ARSJ: variants seen among roughly 807,000 people sequenced by gnomAD.
The protein encoded by ARSJ is arylsulfatase J.
ARSJ carries 26 observed loss-of-function variants against 35.9 expected under a neutral mutation model. The ratio of observed to expected loss-of-function variants is 0.72; its 90% CI spans 0.53 to 1.00. The LOEUF (loss-of-function observed/expected upper bound fraction) is 1.00, where lower values mean the gene tolerates loss of function less well. Among genes scored for constraint, ARSJ ranks in the 50% least tolerant of loss-of-function variants. The pLI, the probability that ARSJ is intolerant of heterozygous loss-of-function variation, is 0.00. For synonymous variants in ARSJ, 294 were observed against 267.6 expected, an observed-to-expected ratio of 1.10 and a Z score of -0.96; for missense variants, 667 against 723.6, an observed-to-expected ratio of 0.92 and a Z score of 0.90.
chr4:113,914,757 T>A (rs1466453164), intron 1 of ARSJ, among the ~76,000 whole-genome samples: 2 of 152,218 alleles, frequency 1.3e-5, no homozygotes, highest in Non-Finnish European at 2.9e-5. Flanking sequence ...CCAGGTACTG[T>A]ACTGCGGAGA....
rs560150835 is a variant in ARSJ at position 113,925,969 on chromosome 4, G to A, written c.399-22294C>T. 2.1e-3 allele frequency among the ~76,000 whole-genome samples: 318 copies of A among 152,226 alleles called. 3 individuals carry two copies. The highest frequency in any genetic ancestry group is 5.2e-3 in the African/African-American group (217 of 41,546). On this transcript the variant is annotated intron_variant, in intron 1 of 1. Coordinates refer to ENST00000315366, the MANE Select transcript of ARSJ (RefSeq NM_024590.4). ...TGAGTGGAAGTCCATGTTGTGGAGC[G>A]CATGCATAACCTCCATCCCTGCCAC...
At chr4:113,961,183 G>C (rs1726517499) in intron 1 of ARSJ, among the ~76,000 whole-genome samples, 1 of 152,024 alleles carries the variant, frequency 6.6e-6, no homozygotes, top group Non-Finnish European at 1.5e-5. Context: ...CAGCACGTTG[G>C]AAGTGAAGTA....
chr4:113,946,498 G>C (rs981461129), intron 1 of ARSJ: 1 of 150,310 alleles, frequency 6.7e-6, no homozygotes, highest in African/African-American at 2.4e-5. Context: ...GACTTTGCAC[G>C]TTGTCTCCAA....
At chr4:113,903,959 G>A (rs754582341) in intron 1 of ARSJ, among the ~76,000 whole-genome samples, 6 of 152,090 alleles carry the variant, frequency 3.9e-5, no homozygotes, top group Admixed American at 2.0e-4. Context: ...AGTCTTAGTC[G>A]TCACCCAGGG....
chr4:113,945,270 G>T (rs1241697133), intron 1 of ARSJ, among the ~76,000 whole-genome samples: 1 of 151,990 alleles, frequency 6.6e-6, no homozygotes, highest in African/African-American at 2.4e-5. Flanking sequence ...TAGAAGCTGG[G>T]ACTATAGGTG....
Position 113,955,644 on chromosome 4 carries a change from A to T in ARSJ, c.398+22793T>A, listed in dbSNP as rs369583789. On this transcript the variant is annotated intron_variant, in intron 1 of 1. Coordinates refer to ENST00000315366, the MANE Select transcript of ARSJ (RefSeq NM_024590.4). ...ATCTGTAGAGTGCTTTCCGGTCTAC[A>T]TGTTGCTTTGTTTAACCTTCATAAC... 3.3e-5 allele frequency among the ~76,000 whole-genome samples: 5 copies of T among 152,192 alleles called. No homozygotes were observed. The East Asian group carries it at 5.8e-4, about 18-fold the overall frequency.
At chr4:113,929,091 G>A (rs369747736) in intron 1 of ARSJ, among the ~76,000 whole-genome samples, 3 of 152,214 alleles carry the variant, frequency 2.0e-5, no homozygotes, top group East Asian at 3.9e-4. Flanking sequence ...AATTTAGCCT[G>A]ATCCAACTCT....
At chr4:113,910,631 C>T (rs936182962) in intron 1 of ARSJ, among the ~76,000 whole-genome samples, 7 of 152,034 alleles carry the variant, frequency 4.6e-5, no homozygotes, top group African/African-American at 1.7e-4. Context: ...TATTTATGGG[C>T]CTTAATTTTA....
intron 1 of ARSJ, among the ~76,000 whole-genome samples, chr4:113,917,130 C>T (rs1318397157): frequency 2.0e-5 from 3 of 152,106 alleles, no homozygotes; most frequent in East Asian, 1.9e-4. Context: ...ACAGGTTTCT[C>T]AGCTGATTGT....
rs754736247 is a variant in ARSJ, at chr4:113,978,854, G to A, written c.-20C>T. The A allele has an allele frequency of 5.7e-6, 9 of 1,571,138 alleles. No individual in the cohort carries two copies. In the East Asian group the frequency reaches 2.0e-4, roughly 35 times the overall value. The stretch of plus-strand genomic sequence containing the variant: ...AGCCATTCACTCAGGTCCCAGGTGA[G>A]ACTCCACGCGGAGAACCACGCGCCC... On this transcript the variant is annotated 5_prime_UTR_variant, in exon 1 of 2. Transcript: ENST00000315366.
rs748102296 is a variant in ARSJ at position 113,978,862 on chromosome 4, G to C, written c.-28C>G. On this transcript the variant is annotated 5_prime_UTR_variant, in exon 1 of 2. Coordinates refer to ENST00000315366, the MANE Select transcript of ARSJ (RefSeq NM_024590.4). Reference sequence around the variant, plus strand: ...ACTCAGGTCCCAGGTGAGACTCCACGCGGAGAACCACGCGCCCCGCGCCGC... The same window carrying C: ...ACTCAGGTCCCAGGTGAGACTCCACCCGGAGAACCACGCGCCCCGCGCCGC... 6.4e-7 allele frequency: 1 copy of C among 1,561,850 alleles called. No homozygotes were observed. Among genetic ancestry groups the C allele is most frequent in the South Asian group, 1.2e-5 (1 of 82,350 alleles).
At chr4:113,952,366 A>G (rs1725915232) in intron 1 of ARSJ, among the ~76,000 whole-genome samples, 1 of 152,090 alleles carries the variant, frequency 6.6e-6, no homozygotes, top group South Asian at 2.1e-4. Context: ...CAGTCAACCT[A>G]TTAATTAGTT....
In ARSJ at chr4:113,903,523, T is replaced by A. The variant is rs1259493727; in HGVS notation, c.551A>T (p.Lys184Ile). The change falls in exon 2 of 2, where the codon AAA becomes ATA. Residue 184 changes from lysine to isoleucine, a missense_variant. By Grantham distance (102) the Lys-to-Ile change is moderately radical. Coordinates refer to ENST00000315366, the MANE Select transcript of ARSJ (RefSeq NM_024590.4). ...VGKWHLGFYR[K>I]ECMPTRRGFD... ...TCCTCTTCTGGTGGGCATGCATTCT[T>A]TTCTGTAAAAACCCAAGTGCCATTT... 1 of 1,614,064 alleles carries A rather than the reference T, an allele frequency of 6.2e-7. No homozygotes were observed. The highest frequency in any genetic ancestry group is 1.3e-5 in the African/African-American group (1 of 74,926).
intron 1 of ARSJ, among the ~76,000 whole-genome samples, chr4:113,961,872 C>A (rs1000847155): frequency 6.9e-6 from 1 of 145,574 alleles, no homozygotes; most frequent in East Asian, 2.0e-4. Flanking sequence ...TGTATGTGTG[C>A]CTGTGTTTGT....
chr4:113,902,984 G>T lies in ARSJ; in HGVS notation c.1090C>A (p.Leu364Met). ...TTACACACTGTTCCCTTGTTTTTCA[G>T]AAGTGGGCTATGCACAAAGCCTACA... Reference protein sequence around the residue: ...RAVGFVHSPLLKNKGTVCKEL... With the variant: ...RAVGFVHSPLMKNKGTVCKEL... The change falls in exon 2 of 2, where the codon CTG (leucine) becomes ATG (methionine). Residue 364 changes from leucine to methionine, a missense_variant. Transcript: ENST00000315366. The T allele has an allele frequency of 6.2e-7, 1 of 1,614,140 alleles. No individual in the cohort carries two copies. Among genetic ancestry groups the T allele is most frequent in the Non-Finnish European group, 8.5e-7 (1 of 1,180,030 alleles).
chr4:113,925,879 C>A (rs974075800), intron 1 of ARSJ, among the ~76,000 whole-genome samples: 1 of 152,112 alleles, frequency 6.6e-6, no homozygotes, highest in Non-Finnish European at 1.5e-5. Flanking sequence ...ATTGAGGGCT[C>A]AGTGTTGGTC....
At chr4:113,939,747 T>C (rs1050390938) in intron 1 of ARSJ, among the ~76,000 whole-genome samples, 1 of 152,154 alleles carries the variant, frequency 6.6e-6, no homozygotes, top group African/African-American at 2.4e-5. Flanking sequence ...TGCCCACTTT[T>C]TGATGGGGTT....
chr4:113,945,565 G>T (rs1725425377), intron 1 of ARSJ, among the ~76,000 whole-genome samples: 1 of 152,050 alleles, frequency 6.6e-6, no homozygotes, highest in Admixed American at 6.6e-5. Flanking sequence ...AGTACAAATA[G>T]AATTGATCCT....
intron 1 of ARSJ, among the ~76,000 whole-genome samples, chr4:113,934,598 A>C (rs1724656744): frequency 6.6e-6 from 1 of 151,808 alleles, no homozygotes; most frequent in Admixed American, 6.6e-5. Context: ...ACTATGGTTA[A>C]TATTAATTGA....
Sources: gnomAD v4.1 joint callset for allele counts (sites outside exome capture counted in the v4.1 genomes callset) on GRCh38, gnomAD v4.1.1 for gene constraint, MANE v1.5 for transcripts, NCBI Gene and HGNC (gene_info 2026-07-23, HGNC 2026-07-21) for gene names.